PI4K2A: variants seen among roughly 807,000 people sequenced by gnomAD.
PI4K2A encodes the protein phosphatidylinositol 4-kinase type 2-alpha.
A neutral mutation model predicts 55.0 loss-of-function variants in PI4K2A; 20 were observed. The observed-to-expected ratio is 0.36, with a 90% CI of 0.26 to 0.53. The LOEUF (loss-of-function observed/expected upper bound fraction) is 0.53. Among genes scored for constraint, PI4K2A ranks in the 20% least tolerant of loss-of-function variants. The probability of loss-of-function intolerance (pLI) is 0.91; values close to 1 mark genes in which losing one functional copy is unlikely to be tolerated. For synonymous variants in PI4K2A, 235 were observed against 258.5 expected, an observed-to-expected ratio of 0.91 and a Z score of 0.87; for missense variants, 463 against 637.1, an observed-to-expected ratio of 0.73 and a Z score of 2.94.
At chr10:97,672,074 C>T (rs776206631) in intron 8 of PI4K2A, among the ~76,000 whole-genome samples, 6 of 151,058 alleles carry the variant, frequency 4.0e-5, no homozygotes, top group African/African-American at 1.2e-4. Flanking sequence ...GATGGAGTCT[C>T]GCTCTCTTGC....
intron 1 of PI4K2A, among the ~76,000 whole-genome samples, chr10:97,642,026 A>G (rs1316342062): frequency 2.6e-5 from 4 of 152,302 alleles, no homozygotes; most frequent in Non-Finnish European, 5.9e-5. Flanking sequence ...AGAAATACCA[A>G]GTCTTCCCTG....
At chr10:97,661,851 A>ATTTTT (rs11293508) in intron 4 of PI4K2A, among the ~76,000 whole-genome samples, 1 of 126,032 alleles carries the variant, frequency 7.9e-6, no homozygotes. Context: ...TTCAGGTTTG[A>ATTTTT]TTTTTTTTTT....
Position 97,642,865 on chromosome 10 carries a change from T to TCCTTCC in PI4K2A, c.435+1688_435+1689insCCTTCC, listed in dbSNP as rs1554878118. 2.4e-4 allele frequency among the ~76,000 whole-genome samples: 13 copies of TCCTTCC among 53,742 alleles called. 1 individual carries two copies. In the East Asian group the frequency reaches 4.3e-3, roughly 18 times the overall value. 35.3% of individuals were successfully genotyped at this position (53,742 alleles called of 152,430 possible). On this transcript the variant is annotated intron_variant, in intron 1 of 8. Coordinates refer to ENST00000370631, the Ensembl canonical transcript of PI4K2A. ...TTCCTTCCTTCCTTTCTTTCTTTCT[T>TCCTTCC]TTTCTTTCTTTCTTTCTTTCTTCCT...
Position 97,667,047 on chromosome 10 carries a change from GTCT to G in PI4K2A, c.1219-9_1219-7del. Reference sequence around the variant, plus strand: ...TTCACACAGGTTCCATCTCCTTCTGGTCTTCTTTTGCAGAAAGATCCTGGTTTC... The same window carrying G: ...TTCACACAGGTTCCATCTCCTTCTGGTCTTTTGCAGAAAGATCCTGGTTTC... On this transcript the variant is annotated splice_polypyrimidine_tract_variant and intron_variant, in intron 7 of 8. Coordinates refer to ENST00000370631, the Ensembl canonical transcript of PI4K2A. 1.2e-6 allele frequency: 2 copies of G among 1,610,512 alleles called. No individual in the cohort carries two copies. Among genetic ancestry groups the G allele is most frequent in the East Asian group, 2.2e-5 (1 of 44,852 alleles).
At chr10:97,641,819 A>G (rs569524439) in intron 1 of PI4K2A, among the ~76,000 whole-genome samples, 8 of 152,276 alleles carry the variant, frequency 5.3e-5, no homozygotes, top group East Asian at 3.9e-4. Context: ...TTTTAGAAAC[A>G]TGGGGCCATC....
At chr10:97,653,693 G>A (rs1392913034) in intron 2 of PI4K2A, among the ~76,000 whole-genome samples, 1 of 152,192 alleles carries the variant, frequency 6.6e-6, no homozygotes, top group Non-Finnish European at 1.5e-5. Context: ...TAAGTGGGTG[G>A]ATCACCTCAG....
chr10:97,647,194 C>G (rs868655054), intron 1 of PI4K2A, among the ~76,000 whole-genome samples: 3 of 150,286 alleles, frequency 2.0e-5, no homozygotes, highest in African/African-American at 7.5e-5. Flanking sequence ...CTTAAGCTAT[C>G]TGTACCTCAC....
At chr10:97,655,941 A>G (rs1270561446) in intron 2 of PI4K2A, among the ~76,000 whole-genome samples, 5 of 152,038 alleles carry the variant, frequency 3.3e-5, no homozygotes, top group African/African-American at 1.2e-4. Context: ...ATACCACATC[A>G]CTCATGTAGT....
At chr10:97,641,482 G>A (rs1020065794) in intron 1 of PI4K2A, among the ~76,000 whole-genome samples, 1 of 152,152 alleles carries the variant, frequency 6.6e-6, no homozygotes, top group Non-Finnish European at 1.5e-5. Flanking sequence ...TTTCTAGTAG[G>A]GTACTTAGCT....
chr10:97,673,538 T>C, intron 8 of PI4K2A, 43 bp from the exon 9 acceptor site: 2 of 1,565,028 alleles, frequency 1.3e-6, no homozygotes, highest in South Asian at 1.1e-5. Flanking sequence ...AGATCTGGAA[T>C]GCTGAGGCCT....
At chr10:97,648,133 GC>G (rs1308804844) in intron 1 of PI4K2A, among the ~76,000 whole-genome samples, 1 of 129,922 alleles carries the variant, frequency 7.7e-6, no homozygotes, top group Non-Finnish European at 1.6e-5. Context: ...TTCGCTCATT[GC>G]CCAGGCTGGA....
chr10:97,664,329 A>G (rs2041600257), intron 5 of PI4K2A, among the ~76,000 whole-genome samples: 1 of 152,238 alleles, frequency 6.6e-6, no homozygotes, highest in African/African-American at 2.4e-5. Flanking sequence ...CACAGGTGAC[A>G]TGCCCACTCT....
intron 4 of PI4K2A, 84 bp from the exon 5 acceptor site, chr10:97,662,823 G>A (rs2041592124): frequency 6.0e-6 from 5 of 826,656 alleles, no homozygotes; most frequent in South Asian, 1.3e-5. Context: ...GCGTTAGTCC[G>A]AGTGTCCAGA....
chr10:97,652,380 T>C (rs1190354941), intron 2 of PI4K2A, among the ~76,000 whole-genome samples: 1 of 152,074 alleles, frequency 6.6e-6, no homozygotes, highest in Non-Finnish European at 1.5e-5. Flanking sequence ...ACTGCAGCCT[T>C]GACCTCCCAG....
chr10:97,673,056 G>A (rs1344176348), intron 8 of PI4K2A, among the ~76,000 whole-genome samples: 1 of 150,948 alleles, frequency 6.6e-6, no homozygotes, highest in Non-Finnish European at 1.5e-5. Flanking sequence ...GCACGATCTC[G>A]GCTCACTGCA....
chr10:97,670,441 A>G (rs543187184), intron 8 of PI4K2A, among the ~76,000 whole-genome samples: 1 of 152,276 alleles, frequency 6.6e-6, no homozygotes, highest in African/African-American at 2.4e-5. Context: ...ATGTCTACGT[A>G]TTATCCAGTG....
intron 2 of PI4K2A, among the ~76,000 whole-genome samples, chr10:97,652,365 A>C (rs1415711125): frequency 6.6e-6 from 1 of 152,018 alleles, no homozygotes; most frequent in Non-Finnish European, 1.5e-5. Flanking sequence ...GCATGATCAC[A>C]ACTCACTGCA....
intron 1 of PI4K2A, among the ~76,000 whole-genome samples, chr10:97,642,840 TTCCTTCCTTC>T (rs1564772235): frequency 0.048 from 203 of 4,226 alleles, 20 homozygotes; most frequent in Middle Eastern, 0.1. Context: ...CCTTCCTTCC[TTCCTTCCTTC>T]CTTTCTTTCT....
At chr10:97,642,023 C>T (rs1221391994) in intron 1 of PI4K2A, among the ~76,000 whole-genome samples, 1 of 152,134 alleles carries the variant, frequency 6.6e-6, no homozygotes, top group African/African-American at 2.4e-5. Flanking sequence ...TTAAGAAATA[C>T]CAAGTCTTCC....
Sources: allele counts gnomAD v4.1 joint callset (sites outside exome capture counted in the v4.1 genomes callset), GRCh38; gene constraint gnomAD v4.1.1; transcripts MANE v1.5; gene names NCBI Gene and HGNC (gene_info 2026-07-23, HGNC 2026-07-21).